Variants in ARHGEF10 observed in about 807,000 individuals in gnomAD.
ARHGEF10 encodes the protein Rho guanine nucleotide exchange factor (GEF) 10.
Under a neutral mutation model 147.4 loss-of-function variants are expected in ARHGEF10, and 140 were observed. The ratio of observed to expected loss-of-function variants is 0.95; its 90% CI spans 0.83 to 1.09. The LOEUF (loss-of-function observed/expected upper bound fraction) is 1.09. Ranked by LOEUF, ARHGEF10 falls within the 50% of genes least tolerant of loss-of-function variation. The pLI, the probability that ARHGEF10 is intolerant of heterozygous loss-of-function variation, is 0.00. For missense variants in ARHGEF10, 2,222 were observed against 1,752.7 expected (o/e 1.27, Z -4.78); for synonymous variants, 902 against 695.8 (o/e 1.30, Z -4.67).
chr8:1,929,218 T>G, intron 24 of ARHGEF10, 68 bp from the exon 25 acceptor site: 1 of 1,535,004 alleles, frequency 6.5e-7, no homozygotes, highest in African/African-American at 1.4e-5. Flanking sequence ...TGTGTTTATG[T>G]TAACAGGCAC....
intron 22 of ARHGEF10, 66 bp from the exon 23 acceptor site, chr8:1,926,311 G>C (rs1042150105): frequency 1.5e-6 from 2 of 1,305,564 alleles, no homozygotes; most frequent in South Asian, 2.4e-5. Flanking sequence ...CATTTAAGAC[G>C]TTATGTAGTC....
At chr8:1,823,396 G>T (rs28528841), upstream of ARHGEF10, among the ~76,000 whole-genome samples, 32,102 of 150,746 alleles carry the variant, frequency 0.21, 3,746 homozygotes, top group Admixed American at 0.27. Context: ...GGGTCCCGAC[G>T]CCCCCTCCTC....
chr8:1,930,764 C>A (rs775753868), intron 25 of ARHGEF10, among the ~76,000 whole-genome samples: 1 of 152,366 alleles, frequency 6.6e-6, no homozygotes, highest in African/African-American at 2.4e-5. Flanking sequence ...CCCTCCTTCT[C>A]CCGTGTGGTT....
At chr8:1,903,522 A>G (rs778430369) in intron 16 of ARHGEF10, 71 bp downstream of exon 16, 1 of 1,575,896 alleles carries the variant, frequency 6.3e-7, no homozygotes. Context: ...GTCGTTGTCC[A>G]GCAATACTAA....
chr8:1,900,685 C>G (rs1379790481), intron 15 of ARHGEF10, among the ~76,000 whole-genome samples: 1 of 152,202 alleles, frequency 6.6e-6, no homozygotes, highest in Non-Finnish European at 1.5e-5. Flanking sequence ...TTTAAGTTCT[C>G]TGAGGAAGGA....
intron 27 of ARHGEF10, 42 bp from the exon 28 acceptor site, chr8:1,952,663 T>A (rs1437917477): frequency 1.2e-6 from 2 of 1,611,634 alleles, no homozygotes; most frequent in African/African-American, 2.7e-5. Context: ...CCAACTCTGC[T>A]ACACAAACCA....
intron 25 of ARHGEF10, among the ~76,000 whole-genome samples, chr8:1,932,432 G>C (rs1813225100): frequency 6.6e-6 from 1 of 152,138 alleles, no homozygotes; most frequent in African/African-American, 2.4e-5. Context: ...ACGTACTTGT[G>C]GGTGTGTGTG....
chr8:1,828,129 C>T (rs955876254), intron 1 of ARHGEF10, among the ~76,000 whole-genome samples: 13 of 152,198 alleles, frequency 8.5e-5, no homozygotes, highest in Admixed American at 1.3e-4. Flanking sequence ...TACAGACAGC[C>T]GAGGCCCTTT....
chr8:1,838,157 G>A (rs1032346208), intron 1 of ARHGEF10, among the ~76,000 whole-genome samples: 2 of 152,142 alleles, frequency 1.3e-5, no homozygotes, highest in Non-Finnish European at 2.9e-5. Flanking sequence ...CGGGGGTGCC[G>A]GGGGTGCCTG....
intron 2 of ARHGEF10, among the ~76,000 whole-genome samples, chr8:1,845,650 A>T (rs55725321): frequency 0.14 from 21,246 of 152,122 alleles, 1,857 homozygotes; most frequent in African/African-American, 0.25. Context: ...CATTAAATTT[A>T]TCTCCAGCAT....
intron 27 of ARHGEF10, 83 bp downstream of exon 27, chr8:1,945,738 A>T (rs1341481247): frequency 3.2e-6 from 5 of 1,561,356 alleles, no homozygotes; most frequent in Non-Finnish European, 4.4e-6. Flanking sequence ...AGCCCACCTT[A>T]GCGCTTCCCA....
Position 1,950,234 on chromosome 8 carries a change from C to T in ARHGEF10, c.3398-2471C>T, listed in dbSNP as rs189590985. ...CCGGGACCCAGCCCCATCTGGGACACGCCCTGCTGTCCTGTTCTAGGTCAC... is the reference window on the plus strand; with the variant it reads ...CCGGGACCCAGCCCCATCTGGGACATGCCCTGCTGTCCTGTTCTAGGTCAC... On this transcript the variant is annotated intron_variant, in intron 27 of 28. Coordinates refer to ENST00000349830, the MANE Select transcript of ARHGEF10 (RefSeq NM_014629.4). 2.7e-3 allele frequency among the ~76,000 whole-genome samples: 407 copies of T among 152,344 alleles called. 3 individuals are homozygous for T. Among genetic ancestry groups the T allele is most frequent in the African/African-American group, 8.6e-3 (357 of 41,588 alleles).
intron 1 of ARHGEF10, among the ~76,000 whole-genome samples, chr8:1,842,800 C>T (rs1006570905): frequency 1.1e-4 from 17 of 152,198 alleles, no homozygotes; most frequent in African/African-American, 3.9e-4. Flanking sequence ...GAGGGAAACA[C>T]GAAGTGTAGA....
intron 2 of ARHGEF10, among the ~76,000 whole-genome samples, chr8:1,846,405 G>T (rs923515185): frequency 1.3e-5 from 2 of 152,182 alleles, no homozygotes; most frequent in Non-Finnish European, 2.9e-5. Context: ...CCATTATTAA[G>T]TCAACCGTCC....
At chr8:1,923,375 A>C in intron 19 of ARHGEF10, 93 bp from the exon 20 acceptor site, 1 of 1,563,492 alleles carries the variant, frequency 6.4e-7, no homozygotes, top group Non-Finnish European at 8.8e-7. Context: ...TTTGGTCTGA[A>C]TTTCTCATAT....
chr8:1,901,129 C>T (rs1035983300), intron 15 of ARHGEF10, among the ~76,000 whole-genome samples: 11 of 151,980 alleles, frequency 7.2e-5, no homozygotes, highest in Admixed American at 2.6e-4. Flanking sequence ...GCCTGAGGGG[C>T]CCTACCTCAG....
chr8:1,871,304 G>T (rs1327686533), intron 7 of ARHGEF10, among the ~76,000 whole-genome samples: 3 of 151,004 alleles, frequency 2.0e-5, no homozygotes, highest in African/African-American at 7.3e-5. Flanking sequence ...AAATGCCAAA[G>T]AATGGATGTT....
chr8:1,953,743 G>C (rs1482836715), intron 28 of ARHGEF10, among the ~76,000 whole-genome samples: 1 of 152,232 alleles, frequency 6.6e-6, no homozygotes, highest in African/African-American at 2.4e-5. Flanking sequence ...CAGAAGTGGT[G>C]TGTGCAGAGC....
At chr8:1,950,049 T>TC (rs1167391033) in intron 27 of ARHGEF10, among the ~76,000 whole-genome samples, 2 of 152,048 alleles carry the variant, frequency 1.3e-5, no homozygotes, top group Non-Finnish European at 2.9e-5. Flanking sequence ...CCCTGGTGAC[T>TC]CCCCACGGAG....
Sources: allele counts gnomAD v4.1 joint callset (sites outside exome capture counted in the v4.1 genomes callset), GRCh38; gene constraint gnomAD v4.1.1; transcripts MANE v1.5; gene names NCBI Gene and HGNC (gene_info 2026-07-23, HGNC 2026-07-21).